The following AKAP13 variants were observed in gnomAD, a reference collection of about 807,000 sequenced individuals.
AKAP13 encodes A-kinase anchor protein 13.
Under a neutral mutation model 264.5 loss-of-function variants are expected in AKAP13, and 80 were observed. The observed-to-expected ratio is 0.30, with a 90% CI of 0.25 to 0.36. The LOEUF is 0.36. Ranked by LOEUF, AKAP13 falls within the 10% of genes least tolerant of loss-of-function variation. AKAP13 has a pLI of 1.00. For synonymous variants in AKAP13, 1,380 were observed against 1,250.2 expected (o/e 1.10, Z -2.19); for missense variants, 3,712 against 3,435.2 (o/e 1.08, Z -2.01).
chr15:85,423,486 G>C (rs568653116), intron 1 of AKAP13, among the ~76,000 whole-genome samples: 2 of 152,206 alleles, frequency 1.3e-5, no homozygotes, highest in African/African-American at 4.8e-5. Context: ...ATCTGTTCAA[G>C]TTTTATCATG....
At chr15:85,486,358 T>C (rs1375981847) in intron 2 of AKAP13, among the ~76,000 whole-genome samples, 1 of 152,230 alleles carries the variant, frequency 6.6e-6, no homozygotes, top group Non-Finnish European at 1.5e-5. Context: ...TCCTATGTTT[T>C]CATCTAGGAA....
chr15:85,541,576 A>G (rs2077582245), intron 4 of AKAP13, among the ~76,000 whole-genome samples: 1 of 152,172 alleles, frequency 6.6e-6, no homozygotes. Context: ...GGGTGGAGTA[A>G]TGGAAAAGGT....
chr15:85,727,167 A>G lies in AKAP13; in HGVS notation c.6924A>G (p.Pro2308=), dbSNP rs75785836. 1,486 of 1,614,226 alleles carry G rather than the reference A, an allele frequency of 9.2e-4. 12 individuals carry two copies. In the African/African-American group the frequency reaches 0.016, roughly 17 times the overall value. Residue 2308 remains proline (P), a synonymous_variant, in exon 28 of 37, where the codon CCA becomes CCG. Coordinates refer to ENST00000394518, the MANE Select transcript of AKAP13 (RefSeq NM_007200.5). The surrounding 1 kb of genome is among the most constrained non-coding windows in gnomAD (Gnocchi z 5.3). ...TGATCAGCATGGGGATGACAGATCC[A>G]GAGATGGTAGAAGTCCATGCCAGCT... ...LFLISMGMTD[P]EMVEVHASSK...
At chr15:85,611,397 C>T (rs143966656) in intron 8 of AKAP13, among the ~76,000 whole-genome samples, 9 of 152,282 alleles carry the variant, frequency 5.9e-5, no homozygotes, top group East Asian at 1.9e-4. Context: ...TGCTGCATTC[C>T]GCCCTTTACC....
Position 85,645,960 on chromosome 15 carries a change from G to GT in AKAP13, c.4374+7dup. On this transcript the variant is annotated splice_region_variant and intron_variant, in intron 10 of 36. Coordinates refer to ENST00000394518, the MANE Select transcript of AKAP13 (RefSeq NM_007200.5). ...ACAGCATCATCTTCCCAAAGGTACT[G>GT]TGTGGACCTTCCTTTCATTTTTGTC... is the stretch of plus-strand genomic sequence containing the variant. The GT allele has an allele frequency of 3.7e-6, 6 of 1,603,314 alleles. No homozygotes were observed. The highest frequency in any genetic ancestry group is 5.1e-6 in the Non-Finnish European group (6 of 1,177,316).
chr15:85,729,700 G>A lies in AKAP13; in HGVS notation c.7088-813G>A, dbSNP rs180699912. Among the ~76,000 whole-genome samples, 9 of 152,188 alleles carry A rather than the reference G, an allele frequency of 5.9e-5. No homozygotes were observed. The East Asian group carries it at 1.5e-3, about 26-fold the overall frequency. The stretch of plus-strand genomic sequence containing the variant: ...ACCTGTAATCCCAGCACTTTGGGAG[G>A]CCAAGGCGGGCAGATCACCCAAGGT... On this transcript the variant is annotated intron_variant, in intron 29 of 36. Coordinates refer to ENST00000394518, the MANE Select transcript of AKAP13 (RefSeq NM_007200.5).
intron 2 of AKAP13, among the ~76,000 whole-genome samples, chr15:85,503,991 C>T (rs766864986): frequency 2.8e-4 from 43 of 152,098 alleles, no homozygotes; most frequent in African/African-American, 4.6e-4. Flanking sequence ...GGGACATGCT[C>T]AGGCATAGGG....
chr15:85,577,225 G>A (rs1283183066), intron 6 of AKAP13, among the ~76,000 whole-genome samples: 1 of 152,206 alleles, frequency 6.6e-6, no homozygotes, highest in East Asian at 1.9e-4. Flanking sequence ...ATGGTCTGAT[G>A]ATGGAACCCT....
chr15:85,500,688 GC>G (rs1244949105), intron 2 of AKAP13, among the ~76,000 whole-genome samples: 3 of 152,258 alleles, frequency 2.0e-5, no homozygotes, highest in Admixed American at 2.0e-4. Flanking sequence ...CAGAGATTCT[GC>G]TTATTTCCTT....
At chr15:85,716,068 TTA>T (rs2086918535) in intron 20 of AKAP13, 145 bp downstream of exon 20, 7 of 1,054,096 alleles carry the variant, frequency 6.6e-6, no homozygotes, top group Non-Finnish European at 9.0e-6. Flanking sequence ...ACGATGGGGA[TTA>T]TGTTTCTGAT....
chr15:85,449,737 T>C (rs897024913), intron 1 of AKAP13, among the ~76,000 whole-genome samples: 1 of 152,242 alleles, frequency 6.6e-6, no homozygotes, highest in East Asian at 1.9e-4. Flanking sequence ...TTTTTGTATG[T>C]TGAACCAACT....
intron 14 of AKAP13, among the ~76,000 whole-genome samples, chr15:85,674,511 G>A (rs1209979789): frequency 1.3e-5 from 2 of 152,160 alleles, no homozygotes; most frequent in East Asian, 1.9e-4. Flanking sequence ...ACAAAGAAGG[G>A]CACTTTCCCT....
chr15:85,699,947 G>A (rs1004684869), intron 17 of AKAP13, among the ~76,000 whole-genome samples: 1 of 152,170 alleles, frequency 6.6e-6, no homozygotes, highest in Admixed American at 6.5e-5. Flanking sequence ...GTGCTATAGA[G>A]GACAATAGAT....
chr15:85,580,454 G>T lies in AKAP13; in HGVS notation c.2386G>T (p.Val796Leu). ...SLANSPGSES[V>L]TKDDALSFVP... Reference sequence around the variant, plus strand: ...GGCAAACAGTCCAGGCAGTGAATCAGTAACCAAGGATGACGCACTTTCTTT... The same window carrying T: ...GGCAAACAGTCCAGGCAGTGAATCATTAACCAAGGATGACGCACTTTCTTT... Residue 796 changes from valine (V) to leucine (L), a missense_variant, in exon 7 of 37, where the codon GTA (valine) becomes TTA (leucine). Val to Leu is a conservative substitution (Grantham distance 32). Coordinates refer to ENST00000394518, the MANE Select transcript of AKAP13 (RefSeq NM_007200.5). 1 of 1,614,236 alleles carries T rather than the reference G, an allele frequency of 6.2e-7. No homozygotes were observed. Among genetic ancestry groups the T allele is most frequent in the Non-Finnish European group, 8.5e-7 (1 of 1,180,044 alleles).
chr15:85,693,951 A>T (rs2085430071), intron 17 of AKAP13, among the ~76,000 whole-genome samples: 1 of 152,172 alleles, frequency 6.6e-6, no homozygotes, highest in African/African-American at 2.4e-5. Context: ...TGCATTTTTG[A>T]CTTAATAGTA....
chr15:85,530,543 G>A (rs892369815), intron 3 of AKAP13, among the ~76,000 whole-genome samples: 13 of 152,114 alleles, frequency 8.5e-5, no homozygotes, highest in Non-Finnish European at 1.6e-4. Flanking sequence ...AAGGTTTGAA[G>A]GCATAATTCA....
intron 19 of AKAP13, among the ~76,000 whole-genome samples, chr15:85,714,430 TAAAC>T (rs1176819368): frequency 6.6e-6 from 1 of 152,228 alleles, no homozygotes; most frequent in Non-Finnish European, 1.5e-5. Context: ...TTACAGGTGT[TAAAC>T]AAGTGTTAAA....
At chr15:85,613,691 A>AAAAATATATATATATATAT (rs1313187436) in intron 8 of AKAP13, among the ~76,000 whole-genome samples, 4 of 91,964 alleles carry the variant, frequency 4.3e-5, no homozygotes, top group African/African-American at 1.8e-4. Flanking sequence ...AAAAAAAAAA[A>AAAAATATATATATATATAT]ATATATATAT....
intron 8 of AKAP13, among the ~76,000 whole-genome samples, chr15:85,610,871 T>C (rs1244804910): frequency 6.6e-6 from 1 of 152,060 alleles, no homozygotes; most frequent in Non-Finnish European, 1.5e-5. Context: ...CCCAGCTACT[T>C]GGGAGGCTGA....
Sources: allele counts gnomAD v4.1 joint callset (sites outside exome capture counted in the v4.1 genomes callset), GRCh38; gene constraint gnomAD v4.1.1; non-coding constraint Gnocchi (gnomAD v3.1); transcripts MANE v1.5; gene names NCBI Gene and HGNC (gene_info 2026-07-23, HGNC 2026-07-21).